TRIM5: variants seen among roughly 807,000 people sequenced by gnomAD.
TRIM5 encodes the protein tripartite motif containing 5.
A neutral mutation model predicts 35.6 loss-of-function variants in TRIM5; 31 were observed. The observed-to-expected ratio is 0.87, with a 90% CI of 0.65 to 1.18. The LOEUF (loss-of-function observed/expected upper bound fraction) is 1.18. TRIM5 is among the 50% of genes most tolerant of loss of function. The pLI is 0.00. For synonymous variants in TRIM5, 243 were observed against 215.6 expected, an observed-to-expected ratio of 1.13 and a Z score of -1.11; for missense variants, 609 against 591.6, an observed-to-expected ratio of 1.03 and a Z score of -0.31.
chr11:5,590,205 GCCACC>G, the TRIM5 span: 3 of 164,622 alleles, frequency 1.8e-5, no homozygotes, highest in Admixed American at 1.3e-4. Context: ...CCCAACGAGT[GCCACC>G]CCCTGCTCCA....
intron 4 of TRIM5, among the ~76,000 whole-genome samples, chr11:5,674,275 G>A (rs1191661285): frequency 6.6e-6 from 1 of 152,174 alleles, no homozygotes; most frequent in Non-Finnish European, 1.5e-5. Flanking sequence ...TCTAGCAGTT[G>A]TCTCCCCTCA....
At position 5,684,932 on chromosome 11, in the gene TRIM5, A is replaced by G. The variant is rs1248247009; in HGVS notation, c.-126T>C. The stretch of plus-strand genomic sequence containing the variant: ...TGCCCTCCACAAAATCACTCAATAC[A>G]CCTTCAGACACCAGTGCAGAAGTGG... On this transcript the variant is annotated 5_prime_UTR_variant, in exon 1 of 8. Coordinates refer to ENST00000380034, the MANE Select transcript of TRIM5 (RefSeq NM_033034.3). The G allele has an allele frequency of 6.6e-6, 1 of 152,176 alleles. No individual in the cohort carries two copies. The highest frequency in any genetic ancestry group is 6.5e-5 in the Admixed American group (1 of 15,272). The allele number at this position is 152,176 out of a possible 1,614,324, so 9.4% of individuals were successfully genotyped here.
the TRIM5 span, among the ~76,000 whole-genome samples, chr11:5,652,990 C>G: frequency 1.3e-5 from 2 of 151,830 alleles, no homozygotes; most frequent in Admixed American, 6.6e-5. Context: ...GTAGCTGGGA[C>G]TACAGGTGCC....
the TRIM5 span, chr11:5,641,058 AT>A: frequency 7.1e-7 from 1 of 1,414,594 alleles, no homozygotes; most frequent in Non-Finnish European, 9.3e-7. Context: ...ACATTTTCAT[AT>A]AACTCACTTC....
chr11:5,640,934 C>T, the TRIM5 span, among the ~76,000 whole-genome samples: 3 of 22,716 alleles, frequency 1.3e-4, no homozygotes, highest in East Asian at 8.8e-3. Flanking sequence ...TGTTGGCATA[C>T]AGTTGCTCAT....
the TRIM5 span, among the ~76,000 whole-genome samples, chr11:5,633,442 T>C: frequency 6.6e-6 from 1 of 152,342 alleles, no homozygotes; most frequent in Admixed American, 6.5e-5. Context: ...GTATAAGTGA[T>C]AAATTCCTTC....
At chr11:5,651,394 C>T in the TRIM5 span, among the ~76,000 whole-genome samples, 1 of 152,188 alleles carries the variant, frequency 6.6e-6, no homozygotes, top group Non-Finnish European at 1.5e-5. Context: ...TCTTACCCTC[C>T]TCTAAACCTC....
the TRIM5 span, among the ~76,000 whole-genome samples, chr11:5,650,111 G>A: frequency 6.6e-6 from 1 of 152,186 alleles, no homozygotes; most frequent in Non-Finnish European, 1.5e-5. Context: ...TCTGAGGATG[G>A]TAGTTCTTGG....
chr11:5,643,136 TC>T, the TRIM5 span: 1 of 1,411,092 alleles, frequency 7.1e-7, no homozygotes, highest in African/African-American at 1.4e-5. Flanking sequence ...TTTTTTTTTT[TC>T]TTGCAGTGGA....
the TRIM5 span, among the ~76,000 whole-genome samples, chr11:5,631,314 C>T: frequency 6.6e-6 from 1 of 152,194 alleles, no homozygotes; most frequent in Admixed American, 6.5e-5. Flanking sequence ...TCAGGCTTTA[C>T]CTCGGCTTTT....
chr11:5,642,823 C>T, the TRIM5 span: 3 of 1,614,022 alleles, frequency 1.9e-6, no homozygotes, highest in Non-Finnish European at 2.5e-6. Flanking sequence ...TCAGAACTGA[C>T]AGCTGTCCGG....
intron 4 of TRIM5, among the ~76,000 whole-genome samples, chr11:5,675,742 G>A (rs1320532438): frequency 7.1e-6 from 1 of 139,970 alleles, no homozygotes; most frequent in African/African-American, 2.7e-5. Context: ...GAGTACATGT[G>A]CACATTGTGC....
the TRIM5 span, among the ~76,000 whole-genome samples, chr11:5,638,599 C>A: frequency 6.6e-6 from 1 of 152,186 alleles, no homozygotes; most frequent in African/African-American, 2.4e-5. Context: ...TAAGGATGGA[C>A]TGGCTTGATA....
At chr11:5,633,665 T>C in the TRIM5 span, 1 of 761,452 alleles carries the variant, frequency 1.3e-6, no homozygotes, top group South Asian at 2.1e-5. Flanking sequence ...TTTCCCCATG[T>C]CATAGATTCT....
At chr11:5,645,065 C>A in the TRIM5 span, among the ~76,000 whole-genome samples, 1 of 152,064 alleles carries the variant, frequency 6.6e-6, no homozygotes, top group Non-Finnish European at 1.5e-5. Flanking sequence ...TAAGTTAGTA[C>A]AACAATAAAA....
the TRIM5 span, among the ~76,000 whole-genome samples, chr11:5,657,621 AT>A: frequency 9.5e-6 from 1 of 105,402 alleles, no homozygotes; most frequent in African/African-American, 3.5e-5. Context: ...TATATTATAT[AT>A]AATGCATTAT....
chr11:5,615,100 G>A, the TRIM5 span, among the ~76,000 whole-genome samples: 1 of 151,710 alleles, frequency 6.6e-6, no homozygotes, highest in African/African-American at 2.4e-5. Flanking sequence ...TTTTGTTATT[G>A]GTTTATAATT....
At chr11:5,683,147 G>A (rs1852652586) in intron 1 of TRIM5, among the ~76,000 whole-genome samples, 1 of 152,246 alleles carries the variant, frequency 6.6e-6, no homozygotes. Context: ...CCGCGGGGCA[G>A]AGCTCAGGAC....
chr11:5,674,906 G>A (rs901111395), intron 4 of TRIM5, among the ~76,000 whole-genome samples: 2 of 152,188 alleles, frequency 1.3e-5, no homozygotes, highest in African/African-American at 4.8e-5. Context: ...GGAGAGTTGA[G>A]GCCGATATTG....
Sources: gnomAD v4.1 joint callset for allele counts (sites outside exome capture counted in the v4.1 genomes callset) on GRCh38, gnomAD v4.1.1 for gene constraint, MANE v1.5 for transcripts, NCBI Gene and HGNC (gene_info 2026-07-23, HGNC 2026-07-21) for gene names.